Variants in THRB observed in about 807,000 individuals in gnomAD.
THRB encodes the protein nuclear receptor subfamily 1 group A member 2.
In THRB, 12 loss-of-function variants were observed where a neutral mutation model predicts 47.8. The observed-to-expected ratio is 0.25, with a 90% CI of 0.16 to 0.41. THRB has a LOEUF of 0.41. Ranked by LOEUF, THRB falls within the 10% of genes least tolerant of loss-of-function variation. The probability of loss-of-function intolerance (pLI) is 1.00; values close to 1 mark genes in which losing one functional copy is unlikely to be tolerated. For synonymous variants in THRB, 218 were observed against 212.2 expected, an observed-to-expected ratio of 1.03 and a Z score of -0.24; for missense variants, 348 against 589.2, an observed-to-expected ratio of 0.59 and a Z score of 4.24.
chr3:24,230,501 C>G (rs11719336), intron 3 of THRB, among the ~76,000 whole-genome samples: 40,602 of 152,090 alleles, frequency 0.27, 6,214 homozygotes, highest in Non-Finnish European at 0.35. Flanking sequence ...CTGATTAGCT[C>G]GTCAAGGGTC....
intron 1 of THRB, among the ~76,000 whole-genome samples, chr3:24,355,169 A>G (rs755643558): frequency 6.6e-6 from 1 of 152,142 alleles, no homozygotes; most frequent in African/African-American, 2.4e-5. Context: ...ATGCACTGAG[A>G]AGGACATGAG....
chr3:24,388,663 T>C (rs184621981), intron 1 of THRB, among the ~76,000 whole-genome samples: 169 of 152,280 alleles, frequency 1.1e-3, no homozygotes, highest in African/African-American at 3.4e-3. Context: ...TTGATGGCTC[T>C]CACTGGCTAC....
intron 1 of THRB, among the ~76,000 whole-genome samples, chr3:24,460,957 G>A (rs2073641520): frequency 6.6e-6 from 1 of 152,094 alleles, no homozygotes; most frequent in African/African-American, 2.4e-5. Flanking sequence ...CCCCCCAGAA[G>A]TATAAGAGCC....
chr3:24,128,999 T>C (rs1367447824), intron 9 of THRB, among the ~76,000 whole-genome samples: 1 of 150,298 alleles, frequency 6.7e-6, no homozygotes, highest in Non-Finnish European at 1.5e-5. Context: ...CTCTTGGCAA[T>C]ACTCAACCAG....
chr3:24,379,735 A>G (rs777913070), intron 1 of THRB, among the ~76,000 whole-genome samples: 8 of 152,140 alleles, frequency 5.3e-5, no homozygotes, highest in Non-Finnish European at 1.0e-4. Context: ...CTACAACTCT[A>G]CAAGTGACAA....
In THRB at chr3:24,448,536, G is replaced by A. The variant is rs996346965; in HGVS notation, c.-261+46116C>T. On this transcript the variant is annotated intron_variant, in intron 1 of 10. Coordinates refer to ENST00000646209, the MANE Select transcript of THRB (RefSeq NM_001354712.2). ...AGGCCTTGTCCTGGTTTGTTCCATCGGCTAGAGAAGCAGCCTTTAGCTAGG... is the reference window on the plus strand; with the variant it reads ...AGGCCTTGTCCTGGTTTGTTCCATCAGCTAGAGAAGCAGCCTTTAGCTAGG... Among the ~76,000 whole-genome samples the A allele has an allele frequency of 1.1e-4, 16 of 152,050 alleles. 1 individual carries two copies. Among genetic ancestry groups the A allele is most frequent in the South Asian group, 2.1e-4 (1 of 4,826 alleles).
intron 1 of THRB, among the ~76,000 whole-genome samples, chr3:24,369,542 G>A (rs573055827): frequency 4.0e-4 from 61 of 152,080 alleles, no homozygotes; most frequent in Admixed American, 1.4e-3. Context: ...TTGTAAGACG[G>A]CATACGATAG....
intron 2 of THRB, among the ~76,000 whole-genome samples, chr3:24,297,924 T>C (rs2056585892): frequency 1.3e-5 from 2 of 152,172 alleles, no homozygotes; most frequent in South Asian, 2.1e-4. Context: ...CTCCTAACTT[T>C]TGAATTTAAA....
intron 4 of THRB, among the ~76,000 whole-genome samples, chr3:24,205,757 T>C (rs2045263882): frequency 6.6e-6 from 1 of 151,968 alleles, no homozygotes; most frequent in East Asian, 1.9e-4. Context: ...AGGAAACCCA[T>C]CTCATGTGCA....
At chr3:24,232,635 G>A (rs752081727) in intron 3 of THRB, among the ~76,000 whole-genome samples, 6 of 152,242 alleles carry the variant, frequency 3.9e-5, no homozygotes, top group African/African-American at 7.2e-5. Context: ...TTTACATTAC[G>A]CAGGTTTTAA....
At chr3:24,180,997 C>T (rs1168055894) in intron 5 of THRB, among the ~76,000 whole-genome samples, 1 of 152,078 alleles carries the variant, frequency 6.6e-6, no homozygotes, top group Non-Finnish European at 1.5e-5. Flanking sequence ...AGAATGTTTT[C>T]AGAATGTGAA....
intron 5 of THRB, 106 bp from the exon 6 acceptor site, chr3:24,152,596 G>A (rs1190620228): frequency 4.2e-6 from 3 of 716,600 alleles, no homozygotes; most frequent in Non-Finnish European, 7.7e-6. Flanking sequence ...TTGCCAGGAA[G>A]AGGTAACAAC....
intron 5 of THRB, among the ~76,000 whole-genome samples, chr3:24,171,625 G>A (rs748744262): frequency 5.9e-5 from 9 of 152,134 alleles, no homozygotes; most frequent in Non-Finnish European, 1.3e-4. Flanking sequence ...CCTATTGTAG[G>A]TGGGGCCTTT....
intron 2 of THRB, among the ~76,000 whole-genome samples, chr3:24,310,033 C>T (rs1403885657): frequency 1.3e-5 from 2 of 152,066 alleles, no homozygotes; most frequent in Non-Finnish European, 2.9e-5. Flanking sequence ...CGGGGGCAGG[C>T]GAGTGGGCTT....
chr3:24,333,740 G>A (rs2062066382), intron 2 of THRB, among the ~76,000 whole-genome samples: 1 of 152,196 alleles, frequency 6.6e-6, no homozygotes, highest in Non-Finnish European at 1.5e-5. Flanking sequence ...AACTAAATTT[G>A]TGTTAATGTG....
chr3:24,359,500 T>G (rs1008129802), intron 1 of THRB, among the ~76,000 whole-genome samples: 2 of 152,100 alleles, frequency 1.3e-5, no homozygotes, highest in African/African-American at 2.4e-5. Flanking sequence ...CTGCCCAAAT[T>G]CAAGGGGAGG....
intron 3 of THRB, among the ~76,000 whole-genome samples, chr3:24,274,795 C>T (rs955999970): frequency 1.3e-5 from 2 of 152,156 alleles, no homozygotes; most frequent in South Asian, 4.1e-4. Context: ...AACACTGAGC[C>T]TAATAGAAAA....
At chr3:24,387,819 C>A (rs2066249083) in intron 1 of THRB, among the ~76,000 whole-genome samples, 1 of 152,012 alleles carries the variant, frequency 6.6e-6, no homozygotes, top group African/African-American at 2.4e-5. Flanking sequence ...GAATCCTGTT[C>A]CACTAGCTTC....
At chr3:24,281,448 G>GT (rs2054596691) in intron 3 of THRB, among the ~76,000 whole-genome samples, 1 of 152,024 alleles carries the variant, frequency 6.6e-6, no homozygotes, top group Non-Finnish European at 1.5e-5. Context: ...TGCTAAACAT[G>GT]GAAAGGAACT....
Sources: allele counts gnomAD v4.1 joint callset (sites outside exome capture counted in the v4.1 genomes callset), GRCh38; gene constraint gnomAD v4.1.1; transcripts MANE v1.5; gene names NCBI Gene and HGNC (gene_info 2026-07-23, HGNC 2026-07-21).